Variants in NREP observed in about 807,000 individuals in gnomAD.
The protein encoded by NREP is neuronal regeneration related protein.
Under a neutral mutation model 8.6 loss-of-function variants are expected in NREP, and 5 were observed. The observed-to-expected ratio is 0.58, with a 90% CI of 0.30 to 1.22. NREP has a LOEUF of 1.22. NREP is among the 50% of genes most tolerant of loss of function. The probability of loss-of-function intolerance (pLI) is 0.07; values close to 1 mark genes in which losing one functional copy is unlikely to be tolerated. For missense variants in NREP, 86 were observed against 82.5 expected (o/e 1.04, Z -0.17); for synonymous variants, 27 against 28.0 (o/e 0.96, Z 0.11).
chr5:111,975,416 A>AC, intron 1 of NREP: 8 of 1,456,106 alleles, frequency 5.5e-6, no homozygotes, highest in Non-Finnish European at 7.5e-6. Context: ...GTGAGCACTG[A>AC]CCCCCCTGAG....
chr5:111,780,422 CTG>C (rs1032473095), intron 2 of NREP, among the ~76,000 whole-genome samples: 2 of 152,128 alleles, frequency 1.3e-5, no homozygotes, highest in African/African-American at 4.8e-5. Flanking sequence ...GAGGAAAGCT[CTG>C]GAACACAGGA....
At chr5:111,900,980 C>T (rs1227337309) in intron 2 of NREP, among the ~76,000 whole-genome samples, 3 of 152,142 alleles carry the variant, frequency 2.0e-5, no homozygotes, top group Non-Finnish European at 1.5e-5. Flanking sequence ...TGCCAGTATT[C>T]CTGATGAACG....
intron 2 of NREP, among the ~76,000 whole-genome samples, chr5:111,809,870 CGTGTGTGT>C (rs3223253): frequency 0.029 from 4,194 of 144,114 alleles, 184 homozygotes; most frequent in African/African-American, 0.1. Context: ...GGGACTTTGG[CGTGTGTGT>C]GTGTGTGTGT....
intron 2 of NREP, among the ~76,000 whole-genome samples, chr5:111,840,967 A>T (rs1477826401): frequency 2.0e-5 from 3 of 152,090 alleles, no homozygotes; most frequent in Non-Finnish European, 4.4e-5. Flanking sequence ...AAAGGCATAC[A>T]GGTGGAACTA....
chr5:111,785,860 T>A (rs368611819), intron 2 of NREP, among the ~76,000 whole-genome samples: 37 of 151,940 alleles, frequency 2.4e-4, no homozygotes, highest in African/African-American at 8.5e-4. Flanking sequence ...CCTTCCTGAG[T>A]CCCCATAGTT....
At chr5:111,768,357 T>C (rs1023526050) in intron 2 of NREP, among the ~76,000 whole-genome samples, 1 of 152,210 alleles carries the variant, frequency 6.6e-6, no homozygotes, top group Admixed American at 6.5e-5. Flanking sequence ...GTTGTTTGCT[T>C]TTATTATAAT....
intron 2 of NREP, among the ~76,000 whole-genome samples, chr5:111,948,256 T>A (rs573443704): frequency 6.6e-6 from 1 of 152,208 alleles, no homozygotes; most frequent in East Asian, 1.9e-4. Flanking sequence ...TTTTGGACAG[T>A]TTTGTATTTT....
chr5:111,766,303 T>C (rs1238079692), intron 2 of NREP, among the ~76,000 whole-genome samples: 1 of 152,182 alleles, frequency 6.6e-6, no homozygotes, highest in African/African-American at 2.4e-5. Context: ...CTGAGACTGT[T>C]CATATTAAAA....
In NREP at chr5:111,730,750, A is replaced by AAAC. The variant is rs1198624478; in HGVS notation, c.*168_*170dup. ...TTTTCACTTGAGTCAGAATGATTAA[A>AAAC]AACTGGTTTGATGACACCTATTTGT... On this transcript the variant is annotated 3_prime_UTR_variant, in exon 4 of 4. Transcript: ENST00000257435. 53 of 709,230 alleles carry AAAC rather than the reference A, an allele frequency of 7.5e-5. No homozygotes were observed. The highest frequency in any genetic ancestry group is 1.4e-5 in the Non-Finnish European group (6 of 437,636). The allele number at this position is 709,230 out of a possible 1,614,324, so 43.9% of individuals were successfully genotyped here. A position where few individuals can be genotyped will look rare whatever the true frequency, so the allele number is the denominator to read the frequency against.
intron 2 of NREP, among the ~76,000 whole-genome samples, chr5:111,850,052 A>G (rs1274725361): frequency 6.6e-6 from 1 of 152,146 alleles, no homozygotes; most frequent in Non-Finnish European, 1.5e-5. Flanking sequence ...CTAAACTAGT[A>G]TCCTAATACA....
chr5:111,916,955 G>A (rs4957992), intron 2 of NREP, among the ~76,000 whole-genome samples: 60,689 of 151,936 alleles, frequency 0.4, 14,642 homozygotes, highest in Non-Finnish European at 0.55. Context: ...CTTTAGAGCA[G>A]GAAAGAAAGG....
chr5:111,763,849 C>T (rs1043060299), intron 2 of NREP, among the ~76,000 whole-genome samples: 3 of 152,232 alleles, frequency 2.0e-5, no homozygotes, highest in Non-Finnish European at 4.4e-5. Flanking sequence ...TTTGTTCCCC[C>T]TGGAAGAATT....
intron 2 of NREP, among the ~76,000 whole-genome samples, chr5:111,842,637 G>A (rs754429381): frequency 6.6e-6 from 1 of 151,974 alleles, no homozygotes; most frequent in Non-Finnish European, 1.5e-5. Flanking sequence ...TACAATATTA[G>A]AGTGTTTTAA....
rs538412254 is a variant in NREP, at chr5:111,755,525, C to T, written c.3+245G>A. On this transcript the variant is annotated intron_variant, in intron 2 of 3. Transcript: ENST00000257435. ...GTTGTTCAAATTAAATAAATCCTCA[C>T]TTCTGAAAGAGGAATTTTAGTTTTC... is the stretch of plus-strand genomic sequence containing the variant. 2.0e-3 allele frequency: 1,053 copies of T among 521,438 alleles called. 2 individuals carry two copies. Among genetic ancestry groups the T allele is most frequent in the Non-Finnish European group, 2.7e-3 (775 of 286,950 alleles). 32.3% of individuals were successfully genotyped at this position (521,438 alleles called of 1,614,324 possible). A position where few individuals can be genotyped will look rare whatever the true frequency, so the allele number is the denominator to read the frequency against.
chr5:111,842,172 G>T, intron 2 of NREP, among the ~76,000 whole-genome samples: 1 of 152,072 alleles, frequency 6.6e-6, no homozygotes, highest in East Asian at 1.9e-4. Flanking sequence ...TACAGTAATT[G>T]TTGGCTGGAA....
At chr5:111,793,048 C>G (rs1751787604) in intron 2 of NREP, among the ~76,000 whole-genome samples, 2 of 152,096 alleles carry the variant, frequency 1.3e-5, no homozygotes, top group African/African-American at 2.4e-5. Context: ...AAAATTATAA[C>G]CAGGCATGAC....
intron 2 of NREP, among the ~76,000 whole-genome samples, chr5:111,902,917 G>T (rs895550925): frequency 6.6e-6 from 1 of 152,018 alleles, no homozygotes; most frequent in African/African-American, 2.4e-5. Flanking sequence ...ATGTAAAAAC[G>T]ACTTCTTTGA....
At chr5:111,802,822 C>A (rs1752044813) in intron 2 of NREP, among the ~76,000 whole-genome samples, 1 of 152,080 alleles carries the variant, frequency 6.6e-6, no homozygotes, top group East Asian at 1.9e-4. Context: ...AAACAGCCTG[C>A]AGAATATTTA....
intron 2 of NREP, among the ~76,000 whole-genome samples, chr5:111,969,206 G>T (rs534756168): frequency 2.2e-4 from 33 of 152,318 alleles, no homozygotes; most frequent in African/African-American, 7.5e-4. Context: ...TAAAAATATT[G>T]AACTTGTGCT....
Sources: allele counts gnomAD v4.1 joint callset (sites outside exome capture counted in the v4.1 genomes callset), GRCh38; gene constraint gnomAD v4.1.1; transcripts MANE v1.5; gene names NCBI Gene and HGNC (gene_info 2026-07-23, HGNC 2026-07-21).